The following IL23R variants were observed in gnomAD, a reference collection of about 807,000 sequenced individuals.
IL23R encodes the protein interleukin-23 receptor.
In IL23R, 34 loss-of-function variants were observed where a neutral mutation model predicts 56.9. That is an observed-to-expected ratio of 0.60 (90% CI 0.45 to 0.80). IL23R has a LOEUF of 0.80. Ranked by LOEUF, IL23R falls within the 30% of genes least tolerant of loss-of-function variation. The pLI, the probability that IL23R is intolerant of heterozygous loss-of-function variation, is 0.00. For synonymous variants in IL23R, 230 were observed against 249.2 expected, an observed-to-expected ratio of 0.92 and a Z score of 0.73; for missense variants, 635 against 730.0, an observed-to-expected ratio of 0.87 and a Z score of 1.50.
Position 67,169,374 on chromosome 1 carries a change from T to G in IL23R, c.103T>G (p.Trp35Gly). The change falls in exon 3 of 11, where the codon TGG (tryptophan) becomes GGG (glycine). Residue 35 changes from tryptophan to glycine, a missense_variant. Coordinates refer to ENST00000347310, the MANE Select transcript of IL23R (RefSeq NM_144701.3). Reference sequence around the variant, plus strand: ...AAATATAAACTGCTCTGGCCACATCTGGGTAGAACCAGCCACAATTTTTAA... The same window carrying G: ...AAATATAAACTGCTCTGGCCACATCGGGGTAGAACCAGCCACAATTTTTAA... ...ITNINCSGHI[W>G]VEPATIFKMG... The G allele has an allele frequency of 3.7e-6, 6 of 1,612,874 alleles. No homozygotes were observed. Among genetic ancestry groups the G allele is most frequent in the Non-Finnish European group, 5.1e-6 (6 of 1,179,204 alleles).
At chr1:67,142,264 A>T (rs1025290172) in intron 1 of IL23R, among the ~76,000 whole-genome samples, 5 of 152,214 alleles carry the variant, frequency 3.3e-5, no homozygotes. Flanking sequence ...AAGATAAAAA[A>T]TTAAATTAAA....
intron 1 of IL23R, among the ~76,000 whole-genome samples, chr1:67,143,290 G>T (rs972238788): frequency 2.0e-5 from 3 of 152,168 alleles, no homozygotes; most frequent in Non-Finnish European, 4.4e-5. Flanking sequence ...AAGGTGAATT[G>T]ATAACGAATA....
intron 3 of IL23R, among the ~76,000 whole-genome samples, chr1:67,177,979 A>G (rs1313275781): frequency 2.0e-5 from 3 of 149,346 alleles, no homozygotes; most frequent in Non-Finnish European, 4.4e-5. Context: ...TGGTCTATAT[A>G]TCTGTTTTGG....
chr1:67,152,991 T>G (rs975968359), intron 1 of IL23R, among the ~76,000 whole-genome samples: 2 of 152,224 alleles, frequency 1.3e-5, no homozygotes, highest in Non-Finnish European at 2.9e-5. Flanking sequence ...GTTCCTCCTT[T>G]TCAATTGTCT....
At chr1:67,191,403 T>A (rs868236499) in intron 4 of IL23R, among the ~76,000 whole-genome samples, 12 of 152,306 alleles carry the variant, frequency 7.9e-5, no homozygotes, top group Middle Eastern at 6.8e-3. Flanking sequence ...AGGTCAACTC[T>A]CCACTTGGGT....
intron 3 of IL23R, 57 bp downstream of exon 3, chr1:67,169,695 T>A (rs899156683): frequency 2.1e-6 from 3 of 1,431,024 alleles, no homozygotes; most frequent in Admixed American, 3.3e-5. Flanking sequence ...AATTAACTGG[T>A]CATTACCACA....
At chr1:67,161,232 C>CCAGT (rs368016925) in intron 1 of IL23R, among the ~76,000 whole-genome samples, 11 of 152,274 alleles carry the variant, frequency 7.2e-5, no homozygotes, top group African/African-American at 2.6e-4. Flanking sequence ...CATCAGTAGG[C>CCAGT]CAGTCAGTAA....
intron 1 of IL23R, among the ~76,000 whole-genome samples, chr1:67,153,397 G>A (rs914217625): frequency 6.6e-6 from 1 of 151,868 alleles, no homozygotes; most frequent in Admixed American, 6.5e-5. Flanking sequence ...CAGAAAATCA[G>A]CTCCTGGATT....
chr1:67,227,020 T>C (rs573386245), intron 7 of IL23R, among the ~76,000 whole-genome samples: 1 of 152,334 alleles, frequency 6.6e-6, no homozygotes, highest in Admixed American at 6.5e-5. Context: ...ATGTGAGGTT[T>C]CAGCTGAGAT....
chr1:67,242,917 T>C lies in IL23R; in HGVS notation c.1148+2636T>C, dbSNP rs763936868. Among the ~76,000 whole-genome samples the C allele has an allele frequency of 9.1e-4, 138 of 152,206 alleles. 1 individual carries two copies. Among genetic ancestry groups the C allele is most frequent in the Non-Finnish European group, 9.6e-4 (65 of 68,042 alleles). ...ATAAATATTTAAATGTCCAATCAGG[T>C]AGCCAAATGTACCTGAAGCTTTGAT... is the stretch of plus-strand genomic sequence containing the variant. On this transcript the variant is annotated intron_variant, in intron 9 of 10. Transcript: ENST00000347310.
Position 67,158,383 on chromosome 1 carries a change from T to C in IL23R, c.-633-9709T>C, listed in dbSNP as rs140112339. Among the ~76,000 whole-genome samples, 388 of 152,224 alleles carry C rather than the reference T, an allele frequency of 2.5e-3. 1 individual carries two copies. The highest frequency in any genetic ancestry group is 8.9e-3 in the African/African-American group (370 of 41,532). ...ACTAGAAACTTGTAATGAAGTAGAA[T>C]TGGACAGCAGCAGCAGAGATACTGC... On this transcript the variant is annotated intron_variant, in intron 1 of 10. Coordinates refer to the IL23R transcript ENST00000637002.
At chr1:67,206,862 G>A (rs1206705403) in intron 5 of IL23R, 48 bp from the exon 6 acceptor site, 1 of 1,511,234 alleles carries the variant, frequency 6.6e-7, no homozygotes, top group African/African-American at 1.4e-5. Flanking sequence ...TTTCTCCCTA[G>A]GCAAGTTTTA....
chr1:67,201,539 T>C (rs2102624646), intron 5 of IL23R, among the ~76,000 whole-genome samples: 1 of 146,088 alleles, frequency 6.8e-6, no homozygotes. Context: ...ACTTACAATC[T>C]ACTAGGGAAG....
At chr1:67,208,965 A>G (rs1649266607) in intron 6 of IL23R, among the ~76,000 whole-genome samples, 1 of 152,158 alleles carries the variant, frequency 6.6e-6, no homozygotes, top group African/African-American at 2.4e-5. Context: ...GCCCAAGACC[A>G]TGGGAACCCA....
chr1:67,216,648 C>T (rs1649853011), intron 6 of IL23R, among the ~76,000 whole-genome samples: 1 of 152,134 alleles, frequency 6.6e-6, no homozygotes, highest in Non-Finnish European at 1.5e-5. Flanking sequence ...TTGAATTTCA[C>T]ATAATTTCCA....
chr1:67,244,576 C>T (rs1427375064), intron 9 of IL23R, among the ~76,000 whole-genome samples: 1 of 151,960 alleles, frequency 6.6e-6, no homozygotes, highest in East Asian at 1.9e-4. Context: ...GGAATCCTTT[C>T]CCTATTGCTC....
rs543249599 is a variant in IL23R at position 67,204,212 on chromosome 1, A to C, written c.653-2698A>C. 1.7e-3 allele frequency among the ~76,000 whole-genome samples: 259 copies of C among 152,166 alleles called. 1 individual carries two copies. Among genetic ancestry groups the C allele is most frequent in the African/African-American group, 4.6e-3 (191 of 41,512 alleles). The stretch of plus-strand genomic sequence containing the variant: ...CCGAGTAGCTGGGACTACAGGCGCC[A>C]GCCACCTCGCCCCGCTAATTTTTTG... On this transcript the variant is annotated intron_variant, in intron 5 of 10. Transcript: ENST00000347310.
intron 7 of IL23R, among the ~76,000 whole-genome samples, chr1:67,230,668 T>C (rs1045475876): frequency 6.6e-6 from 1 of 152,228 alleles, no homozygotes; most frequent in African/African-American, 2.4e-5. Context: ...TGTCTGTGTG[T>C]ACCCTGCTAC....
intron 9 of IL23R, among the ~76,000 whole-genome samples, chr1:67,251,578 C>T (rs1338567309): frequency 6.6e-6 from 1 of 151,974 alleles, no homozygotes; most frequent in African/African-American, 2.4e-5. Context: ...TCTCTTGTTA[C>T]CCAACTTTAG....
Sources: allele counts gnomAD v4.1 joint callset (sites outside exome capture counted in the v4.1 genomes callset), GRCh38; gene constraint gnomAD v4.1.1; transcripts MANE v1.5; gene names NCBI Gene and HGNC (gene_info 2026-07-23, HGNC 2026-07-21).